Variants in HAUS3 observed in about 807,000 individuals in gnomAD.
HAUS3 encodes HAUS augmin like complex subunit 3.
In HAUS3, 36 loss-of-function variants were observed where a neutral mutation model predicts 55.2. That is an observed-to-expected ratio of 0.65 (90% CI 0.50 to 0.86). HAUS3 has a LOEUF of 0.86. Among genes scored for constraint, HAUS3 ranks in the 40% least tolerant of loss-of-function variants. The probability of loss-of-function intolerance (pLI) is 0.00; values close to 1 mark genes in which losing one functional copy is unlikely to be tolerated. For missense variants in HAUS3, 752 were observed against 671.5 expected (o/e 1.12, Z -1.33); for synonymous variants, 234 against 238.6 (o/e 0.98, Z 0.18).
intron 5 of HAUS3, among the ~76,000 whole-genome samples, chr4:2,235,651 C>T (rs1358998895): frequency 6.6e-6 from 1 of 152,182 alleles, no homozygotes; most frequent in Non-Finnish European, 1.5e-5. Context: ...TTGAAGGATA[C>T]ATACCTTCAA....
rs1289264160 is a variant in HAUS3, at chr4:2,228,585, C to T, written c.*3342G>A. The T allele has an allele frequency of 5.9e-6, 1 of 169,890 alleles. No homozygotes were observed. The highest frequency in any genetic ancestry group is 2.4e-5 in the African/African-American group (1 of 41,516). 10.5% of individuals were successfully genotyped at this position (169,890 alleles called of 1,614,324 possible). A position where few individuals can be genotyped will look rare whatever the true frequency, so the allele number is the denominator to read the frequency against. On this transcript the variant is annotated 3_prime_UTR_variant, in exon 6 of 6. Transcript: ENST00000443786. ...ATCTCCTGACCTCATGATCGCCGAC[C>T]TCGGCCTCCCAAAGTGCTGGGATTA...
rs1734998834 is a variant in HAUS3, at chr4:2,241,764, G to A, written c.-392C>T. The A allele has an allele frequency of 6.1e-6, 6 of 985,474 alleles. No individual in the cohort carries two copies. Among genetic ancestry groups the A allele is most frequent in the Admixed American group, 6.1e-5 (1 of 16,292 alleles). 61.0% of individuals were successfully genotyped at this position (985,474 alleles called of 1,614,324 possible). A position where few individuals can be genotyped will look rare whatever the true frequency, so the allele number is the denominator to read the frequency against. ...CAGCGGCAAAACCTTCCTTCGGAGGGTCACCCAGCTGTGACACCTAAGCAC... is the reference window on the plus strand; with the variant it reads ...CAGCGGCAAAACCTTCCTTCGGAGGATCACCCAGCTGTGACACCTAAGCAC... On this transcript the variant is annotated 5_prime_UTR_variant, in exon 2 of 6. Transcript: ENST00000443786.
At chr4:2,235,113 T>C (rs530721646) in intron 5 of HAUS3, among the ~76,000 whole-genome samples, 2 of 152,368 alleles carry the variant, frequency 1.3e-5, no homozygotes, top group South Asian at 4.1e-4. Context: ...CTTGAACTCC[T>C]GACCTTGTGA....
rs1734987317 is a variant in HAUS3 at position 2,241,522 on chromosome 4, C to G, written c.-150G>C. 1.0e-6 allele frequency: 1 copy of G among 985,858 alleles called. No homozygotes were observed. The highest frequency in any genetic ancestry group is 6.1e-5 in the Admixed American group (1 of 16,280). The allele number at this position is 985,858 out of a possible 1,614,324, so 61.1% of individuals were successfully genotyped here. On this transcript the variant is annotated splice_region_variant and 5_prime_UTR_variant, in exon 2 of 6. Transcript: ENST00000443786. The stretch of plus-strand genomic sequence containing the variant: ...CTGAAGATCAACTAAATATTTACCT[C>G]AACGTCTCGCCGGGCAAGGCTCCAC...
intron 4 of HAUS3, 43 bp from the exon 5 acceptor site, chr4:2,236,499 C>T: frequency 1.5e-6 from 2 of 1,376,000 alleles, no homozygotes; most frequent in Non-Finnish European, 2.1e-6. Flanking sequence ...ATTATCAAGT[C>T]AGTATCATTT....
rs1734573488 is a variant in HAUS3 at position 2,231,370 on chromosome 4, A to T, written c.*557T>A. 6.6e-6 allele frequency: 1 copy of T among 152,268 alleles called. No homozygotes were observed. Among genetic ancestry groups the T allele is most frequent in the Admixed American group, 6.5e-5 (1 of 15,272 alleles). The allele number at this position is 152,268 out of a possible 1,614,324, so 9.4% of individuals were successfully genotyped here. ...AATTCCGGCACTTTGGGAGGCCGGG[A>T]GAGGGGATCAAGAGGTCAAGAGATT... On this transcript the variant is annotated 3_prime_UTR_variant, in exon 6 of 6. Transcript: ENST00000443786.
Position 2,240,302 on chromosome 4 carries a change from A to G in HAUS3, c.645T>C (p.Thr215=), listed in dbSNP as rs529211977. 2.7e-5 allele frequency: 43 copies of G among 1,610,628 alleles called. 1 individual carries two copies. In the South Asian group the frequency reaches 4.3e-4, roughly 16 times the overall value. The change falls in exon 3 of 6, where the codon ACT becomes ACC. Residue 215 remains threonine (T), a synonymous_variant. Coordinates refer to ENST00000443786, the MANE Select transcript of HAUS3 (RefSeq NM_001303143.2). ...GAAAGAACTGTTTTTTGGTATACAA[A>G]GTTAATGCTGCTGTGCTTTGCTCTT... The part of the protein sequence containing the change: ...SQEEQSTAAL[T]LYTKKQFFQG...
In HAUS3 at chr4:2,240,243, T is replaced by G; in HGVS notation, c.704A>C (p.Glu235Ala). The G allele has an allele frequency of 3.1e-6, 5 of 1,613,786 alleles. No homozygotes were observed. The highest frequency in any genetic ancestry group is 4.2e-6 in the Non-Finnish European group (5 of 1,179,824). ...TATATCTAAAAGTTGAAAATTGTCT[T>G]CATTTGAACTTTCAACTACTTCATG... ...GIHEVVESSN[E>A]DNFQLLDIQT... Residue 235 changes from glutamate (E) to alanine (A), a missense_variant, in exon 3 of 6, where the codon GAA becomes GCA. Physicochemically the swap from Glu to Ala is moderately radical, Grantham distance 107. Transcript: ENST00000443786.
At position 2,239,042 on chromosome 4, in the gene HAUS3, G is replaced by A; in HGVS notation, c.911C>T (p.Ala304Val). ...EESLHSLTSK[A>V]VDKENLDAKI... ...AGCATCCAAATTTTCTTTGTCCACA[G>A]CCTATACAAAGAAAAGCAATTACAT... The change falls in exon 4 of 6, where the codon GCT (alanine) becomes GTT (valine). Residue 304 changes from alanine to valine, a missense_variant and splice_region_variant. Coordinates refer to ENST00000443786, the MANE Select transcript of HAUS3 (RefSeq NM_001303143.2). 1 of 1,479,988 alleles carries A rather than the reference G, an allele frequency of 6.8e-7. No homozygotes were observed. The allele number at this position is 1,479,988 out of a possible 1,614,324, so 91.7% of individuals were successfully genotyped here. A position where few individuals can be genotyped will look rare whatever the true frequency, so the allele number is the denominator to read the frequency against.
chr4:2,238,579 TA>T, intron 4 of HAUS3, 24 bp downstream of exon 4: 5 of 1,413,354 alleles, frequency 3.5e-6, no homozygotes, highest in Admixed American at 2.3e-5. Flanking sequence ...AAATATTTAC[TA>T]AAGAAACAAT....
intron 5 of HAUS3, among the ~76,000 whole-genome samples, chr4:2,233,147 A>G (rs1206197402): frequency 6.6e-6 from 1 of 152,214 alleles, no homozygotes; most frequent in African/African-American, 2.4e-5. Flanking sequence ...TTGAAAATCA[A>G]GTAATTTCGA....
rs780264592 is a variant in HAUS3 at position 2,240,845 on chromosome 4, A to T, written c.102T>A (p.Val34=). ...ACCACTTCAGAAACGATTCATCTTC[A>T]ACGCCCTCAAACAACCAGTCAAAGT... ...GEDFDWLFEG[V]EDESFLKWFC... The change falls in exon 3 of 6, where the codon GTT becomes GTA. Residue 34 remains valine, a synonymous_variant. Coordinates refer to ENST00000443786, the MANE Select transcript of HAUS3 (RefSeq NM_001303143.2). The T allele has an allele frequency of 6.2e-7, 1 of 1,613,448 alleles. No homozygotes were observed. Among genetic ancestry groups the T allele is most frequent in the South Asian group, 1.1e-5 (1 of 91,058 alleles).
In HAUS3 at chr4:2,230,699, A is replaced by C. The variant is rs1035229826; in HGVS notation, c.*1228T>G. ...AAATTCCATAAAGACCACCCAAAAC[A>C]TGTAGTTTTTAGATTGGCATTCCAT... is the stretch of plus-strand genomic sequence containing the variant. On this transcript the variant is annotated 3_prime_UTR_variant, in exon 6 of 6. Transcript: ENST00000443786. The C allele has an allele frequency of 6.6e-5, 10 of 152,010 alleles. No individual in the cohort carries two copies. Among genetic ancestry groups the C allele is most frequent in the South Asian group, 2.1e-4 (1 of 4,828 alleles). The allele number at this position is 152,010 out of a possible 1,614,324, so 9.4% of individuals were successfully genotyped here.
In HAUS3 at chr4:2,238,953, T is replaced by C. The variant is rs1450674649; in HGVS notation, c.1000A>G (p.Arg334Gly). ...LEKEVTQIKD[R>G]SLPAVVRENA... is the part of the protein sequence containing the mutation. ...TCTCTTACCACAGCAGGTAAACTTC[T>C]GTCTTTTATTTGAGTGACCTCTTTT... Residue 334 changes from arginine to glycine, a missense_variant, in exon 4 of 6, where the codon AGA (arginine) becomes GGA (glycine). By Grantham distance (125) the Arg-to-Gly change is moderately radical. Coordinates refer to ENST00000443786, the MANE Select transcript of HAUS3 (RefSeq NM_001303143.2). 6.2e-7 allele frequency: 1 copy of C among 1,600,368 alleles called. No homozygotes were observed. The highest frequency in any genetic ancestry group is 1.1e-5 in the South Asian group (1 of 88,630).
chr4:2,240,045 G>A lies in HAUS3; in HGVS notation c.902C>T (p.Thr301Ile), dbSNP rs1162907218. The A allele has an allele frequency of 6.2e-7, 1 of 1,611,716 alleles. No individual in the cohort carries two copies. The highest frequency in any genetic ancestry group is 1.7e-5 in the Admixed American group (1 of 59,794). Residue 301 changes from threonine to isoleucine, a missense_variant, in exon 3 of 6, where the codon ACC (threonine) becomes ATC (isoleucine). By Grantham distance (89) the Thr-to-Ile change is moderately conservative. Coordinates refer to ENST00000443786, the MANE Select transcript of HAUS3 (RefSeq NM_001303143.2). Reference sequence around the variant, plus strand: ...CTCATTTCTTATGCTTACCTTGCTGGTTAGGCTGTGAAGACTCTCCTCTGC... The same window carrying A: ...CTCATTTCTTATGCTTACCTTGCTGATTAGGCTGTGAAGACTCTCCTCTGC... The part of the protein sequence containing the change: ...KWAEESLHSL[T>I]SKAVDKENLD...
chr4:2,241,494 C>G, intron 2 of HAUS3, 26 bp downstream of exon 2: 1 of 985,846 alleles, frequency 1.0e-6, no homozygotes, highest in Non-Finnish European at 1.2e-6. Flanking sequence ...CATGGCACAT[C>G]TTCTGAAGAT....
At position 2,239,996 on chromosome 4, in the gene HAUS3, C is replaced by T. The variant is rs908376039; in HGVS notation, c.909+42G>A. The T allele has an allele frequency of 7.5e-6, 11 of 1,475,620 alleles. No individual in the cohort carries two copies. In the African/African-American group the frequency reaches 9.8e-5, roughly 13 times the overall value. 91.4% of individuals were successfully genotyped at this position (1,475,620 alleles called of 1,614,324 possible). A position where few individuals can be genotyped will look rare whatever the true frequency, so the allele number is the denominator to read the frequency against. On this transcript the variant is annotated intron_variant, in intron 3 of 5. Transcript: ENST00000443786. ...GCAATATTATCTCCTCTATTCCTAA[C>T]AATAATTACAATGTGAATCCAATCT...
Position 2,241,002 on chromosome 4 carries a change from T to C in HAUS3, c.-56A>G, listed in dbSNP as rs1392629812. 7 of 1,330,014 alleles carry C rather than the reference T, an allele frequency of 5.3e-6. No individual in the cohort carries two copies. Among genetic ancestry groups the C allele is most frequent in the Middle Eastern group, 1.9e-4 (1 of 5,194 alleles). 82.4% of individuals were successfully genotyped at this position (1,330,014 alleles called of 1,614,324 possible). Reference sequence around the variant, plus strand: ...GATATGGGTTTACGGTGTTGATTTTTAGAAAATAAATCCAAGCAGAAAAAA... The same window carrying C: ...GATATGGGTTTACGGTGTTGATTTTCAGAAAATAAATCCAAGCAGAAAAAA... On this transcript the variant is annotated 5_prime_UTR_variant, in exon 3 of 6. Transcript: ENST00000443786.
chr4:2,231,981 A>G lies in HAUS3; in HGVS notation c.1758T>C (p.Ile586=). The G allele has an allele frequency of 6.7e-7, 1 of 1,486,056 alleles. No homozygotes were observed. Among genetic ancestry groups the G allele is most frequent in the Non-Finnish European group, 9.3e-7 (1 of 1,072,950 alleles). The allele number at this position is 1,486,056 out of a possible 1,614,324, so 92.1% of individuals were successfully genotyped here. A position where few individuals can be genotyped will look rare whatever the true frequency, so the allele number is the denominator to read the frequency against. ...FLKDEDYLKD[I]VENLETQSKI... ...TTGATTGAGTTTCTAAATTCTCCACAATATCTTTCAGATAATCTTCATCTT... is the reference window on the plus strand; with the variant it reads ...TTGATTGAGTTTCTAAATTCTCCACGATATCTTTCAGATAATCTTCATCTT... Residue 586 remains isoleucine (I), a synonymous_variant, in exon 6 of 6, where the codon ATT becomes ATC. Transcript: ENST00000443786.
Sources: allele counts gnomAD v4.1 joint callset (sites outside exome capture counted in the v4.1 genomes callset), GRCh38; gene constraint gnomAD v4.1.1; transcripts MANE v1.5; gene names NCBI Gene and HGNC (gene_info 2026-07-23, HGNC 2026-07-21).